TEX9: variants seen among roughly 807,000 people sequenced by gnomAD.
TEX9 encodes the protein testis expressed 9, also known as testis-expressed protein 9.
In TEX9, 74 loss-of-function variants were observed where a neutral mutation model predicts 59.6. That is an observed-to-expected ratio of 1.24 (90% CI 1.03 to 1.51). The LOEUF is 1.51. Ranked by LOEUF, TEX9 falls within the 40% of genes most tolerant of loss-of-function variation. The probability of loss-of-function intolerance (pLI) is 0.00; values close to 1 mark genes in which losing one functional copy is unlikely to be tolerated. For synonymous variants in TEX9, 186 were observed against 152.2 expected (o/e 1.22, Z -1.64); for missense variants, 522 against 447.8 (o/e 1.17, Z -1.49).
chr15:56,312,063 G>C (rs1293449772), intron 1 of TEX9, among the ~76,000 whole-genome samples: 2 of 151,314 alleles, frequency 1.3e-5, no homozygotes, highest in East Asian at 3.9e-4. Flanking sequence ...CAGATGAGTA[G>C]GTTGCGAAAA....
upstream of TEX9, among the ~76,000 whole-genome samples, chr15:56,364,253 A>C (rs1464098964): frequency 2.0e-5 from 3 of 151,902 alleles, no homozygotes; most frequent in Admixed American, 1.3e-4. Context: ...TCCCAGGTTC[A>C]AGCGATTCTC....
At chr15:56,264,359 A>C (rs2044332684) in intron 1 of TEX9, among the ~76,000 whole-genome samples, 1 of 152,172 alleles carries the variant, frequency 6.6e-6, no homozygotes, top group African/African-American at 2.4e-5. Flanking sequence ...ATGTCCCTAT[A>C]TGTCATCCAC....
At chr15:56,368,695 T>C (rs1423370757) in intron 2 of TEX9, among the ~76,000 whole-genome samples, 2 of 152,214 alleles carry the variant, frequency 1.3e-5, no homozygotes, top group African/African-American at 2.4e-5. Flanking sequence ...TACATTAGCA[T>C]AAACTGAGTC....
intron 1 of TEX9, among the ~76,000 whole-genome samples, chr15:56,325,430 C>T (rs2046001030): frequency 6.6e-6 from 1 of 152,080 alleles, no homozygotes; most frequent in Non-Finnish European, 1.5e-5. Context: ...CTCGAGATTC[C>T]AAAGGCATTA....
chr15:56,405,768 G>A (rs1310204209), intron 9 of TEX9, among the ~76,000 whole-genome samples: 1 of 152,034 alleles, frequency 6.6e-6, no homozygotes, highest in Non-Finnish European at 1.5e-5. Context: ...GAAAATGCCA[G>A]AGCTTGAGTG....
intron 1 of TEX9, among the ~76,000 whole-genome samples, chr15:56,356,694 G>A (rs889828440): frequency 6.6e-6 from 1 of 152,210 alleles, no homozygotes; most frequent in East Asian, 1.9e-4. Flanking sequence ...AGATTAGTGA[G>A]GTTGAATATT....
At chr15:56,273,563 T>G (rs909420720) in intron 1 of TEX9, among the ~76,000 whole-genome samples, 12 of 152,234 alleles carry the variant, frequency 7.9e-5, no homozygotes, top group African/African-American at 2.7e-4. Flanking sequence ...AAAAAAAGTC[T>G]TTTATCTTTG....
chr15:56,330,031 G>GAAAAAAAAAAAAAA (rs767619452), intron 1 of TEX9, among the ~76,000 whole-genome samples: 1 of 145,842 alleles, frequency 6.9e-6, no homozygotes, highest in African/African-American at 2.5e-5. Flanking sequence ...CAAGAGAAAA[G>GAAAAAAAAAAAAAA]AAAAAAAACA....
At chr15:56,295,024 A>T (rs1385682043) in intron 1 of TEX9, among the ~76,000 whole-genome samples, 1 of 152,146 alleles carries the variant, frequency 6.6e-6, no homozygotes, top group Non-Finnish European at 1.5e-5. Flanking sequence ...TGTTAAAGTA[A>T]GCCTAAATAT....
chr15:56,423,611 C>T (rs2050096521), intron 10 of TEX9, among the ~76,000 whole-genome samples: 1 of 151,984 alleles, frequency 6.6e-6, no homozygotes, highest in South Asian at 2.1e-4. Flanking sequence ...CAACCATCAC[C>T]ACAATCAATT....
At chr15:56,339,626 C>G (rs1222973892) in intron 1 of TEX9, among the ~76,000 whole-genome samples, 13 of 152,012 alleles carry the variant, frequency 8.6e-5, no homozygotes. Context: ...AGGGTTACTA[C>G]TTAGTTAAGT....
At chr15:56,296,971 A>G (rs960678672) in intron 1 of TEX9, among the ~76,000 whole-genome samples, 7 of 152,220 alleles carry the variant, frequency 4.6e-5, no homozygotes, top group Non-Finnish European at 1.0e-4. Context: ...GAAGATTAGA[A>G]GCTGTTGAAA....
chr15:56,434,460 G>C, intron 12 of TEX9: 1 of 1,478,704 alleles, frequency 6.8e-7, no homozygotes, highest in Non-Finnish European at 9.1e-7. Context: ...TAAGGAAAGA[G>C]TGATAGAGTT....
chr15:56,417,370 T>C (rs1279277593), intron 10 of TEX9, among the ~76,000 whole-genome samples: 2 of 151,938 alleles, frequency 1.3e-5, no homozygotes, highest in Non-Finnish European at 2.9e-5. Context: ...CTCCCTTAGC[T>C]GTGTTCTAGA....
intron 10 of TEX9, among the ~76,000 whole-genome samples, chr15:56,417,175 G>T (rs1210071536): frequency 6.6e-6 from 1 of 151,648 alleles, no homozygotes; most frequent in Non-Finnish European, 1.5e-5. Context: ...TCTTTTGACT[G>T]GTTTTTCATG....
chr15:56,329,969 G>A (rs1340791762), intron 1 of TEX9, among the ~76,000 whole-genome samples: 2 of 151,678 alleles, frequency 1.3e-5, no homozygotes, highest in East Asian at 1.9e-4. Flanking sequence ...CTACCTCAAG[G>A]CATTTAATAA....
At chr15:56,323,096 A>T (rs1402182535) in intron 1 of TEX9, 3 of 205,922 alleles carry the variant, frequency 1.5e-5, no homozygotes, top group Admixed American at 1.3e-4. Context: ...TGCCTCATTG[A>T]GAAAAAATAA....
At position 56,266,810 on chromosome 15, in the gene TEX9, A is replaced by G. The variant is rs545097332; in HGVS notation, c.-107+22532A>G. Among the ~76,000 whole-genome samples, 5 of 152,348 alleles carry G rather than the reference A, an allele frequency of 3.3e-5. No homozygotes were observed. In the South Asian group the frequency reaches 8.3e-4, roughly 25 times the overall value. On this transcript the variant is annotated intron_variant, in intron 1 of 5. Coordinates refer to the TEX9 transcript ENST00000560827. ...ATACGTGTGCATATGTCTTTATAGC[A>G]GCATGATTTATAATCCTTTGGGTAT...
chr15:56,364,115 A>C (rs1167153756), upstream of TEX9, among the ~76,000 whole-genome samples: 1 of 151,794 alleles, frequency 6.6e-6, no homozygotes, highest in Non-Finnish European at 1.5e-5. Flanking sequence ...AAAGGTTTTT[A>C]GTTTTGATAA....
Sources: gnomAD v4.1 joint callset for allele counts (sites outside exome capture counted in the v4.1 genomes callset) on GRCh38, gnomAD v4.1.1 for gene constraint, MANE v1.5 for transcripts, NCBI Gene and HGNC (gene_info 2026-07-23, HGNC 2026-07-21) for gene names.